Variants in ZNF407 observed in about 807,000 individuals in gnomAD.
ZNF407 encodes zinc finger protein 407.
In ZNF407, 17 loss-of-function variants were observed where a neutral mutation model predicts 131.2. The ratio of observed to expected loss-of-function variants is 0.13; its 90% confidence interval spans 0.09 to 0.19. ZNF407 has a LOEUF of 0.19. Ranked by LOEUF, ZNF407 falls within the 10% of genes least tolerant of loss-of-function variation. ZNF407 has a pLI of 1.00. For missense variants in ZNF407, 2,681 were observed against 2,830.6 expected, an observed-to-expected ratio of 0.95 and a Z score of 1.20; for synonymous variants, 1,156 against 1,062.0, an observed-to-expected ratio of 1.09 and a Z score of -1.72.
At chr18:74,786,323 T>C (rs540999115) in intron 4 of ZNF407, among the ~76,000 whole-genome samples, 5 of 152,222 alleles carry the variant, frequency 3.3e-5, no homozygotes, top group Non-Finnish European at 5.9e-5. Flanking sequence ...CTCTCTGATA[T>C]ATTCTTCATG....
At chr18:74,939,415 C>T (rs1440623021) in intron 8 of ZNF407, among the ~76,000 whole-genome samples, 1 of 152,016 alleles carries the variant, frequency 6.6e-6, no homozygotes, top group South Asian at 2.1e-4. Flanking sequence ...AATTTGAGAT[C>T]AGAAGTGAAA....
At chr18:74,902,211 T>C (rs2554133) in intron 7 of ZNF407, among the ~76,000 whole-genome samples, 149,023 of 152,332 alleles carry the variant, frequency 0.98, 72,987 homozygotes, top group East Asian at 1. Flanking sequence ...CTGGCCTGCG[T>C]GGAGGTTTTG....
intron 1 of ZNF407, among the ~76,000 whole-genome samples, chr18:74,608,174 C>T (rs2011501676): frequency 6.6e-6 from 1 of 152,152 alleles, no homozygotes; most frequent in African/African-American, 2.4e-5. Context: ...CTCATGTATC[C>T]ATAATACAAT....
chr18:74,910,049 C>T (rs142244378), intron 7 of ZNF407, among the ~76,000 whole-genome samples: 137 of 152,198 alleles, frequency 9.0e-4, no homozygotes, highest in African/African-American at 2.6e-3. Context: ...GAAACAACTG[C>T]CGTAGTGTTA....
intron 8 of ZNF407, among the ~76,000 whole-genome samples, chr18:74,954,015 T>C (rs1972247612): frequency 6.6e-6 from 1 of 152,274 alleles, no homozygotes; most frequent in Non-Finnish European, 1.5e-5. Flanking sequence ...CACACACTTT[T>C]ACATACCCAC....
intron 4 of ZNF407, among the ~76,000 whole-genome samples, chr18:74,797,498 A>G (rs948085885): frequency 6.6e-6 from 1 of 152,194 alleles, no homozygotes; most frequent in Non-Finnish European, 1.5e-5. Flanking sequence ...GAATCTGAAA[A>G]TCTTATAATG....
intron 3 of ZNF407, among the ~76,000 whole-genome samples, chr18:74,755,097 T>C (rs1306747325): frequency 6.6e-6 from 1 of 152,216 alleles, no homozygotes; most frequent in African/African-American, 2.4e-5. Context: ...CCTTTACCAT[T>C]ATGTAATGGC....
At chr18:74,995,738 G>A (rs188396656) in intron 8 of ZNF407, among the ~76,000 whole-genome samples, 87 of 152,204 alleles carry the variant, frequency 5.7e-4, no homozygotes, top group Admixed American at 5.1e-3. Flanking sequence ...CAGTTCATTC[G>A]GCTGTGCTCT....
At position 74,631,713 on chromosome 18, in the gene ZNF407, A is replaced by G. The variant is rs555599822; in HGVS notation, c.694A>G (p.Met232Val). 1.3e-5 allele frequency: 21 copies of G among 1,613,992 alleles called. No homozygotes were observed. Among genetic ancestry groups the G allele is most frequent in the Middle Eastern group, 1.6e-4 (1 of 6,062 alleles). The change falls in exon 2 of 9, where the codon ATG becomes GTG. Residue 232 changes from methionine (M) to valine (V), a missense_variant. Coordinates refer to ENST00000299687, the MANE Select transcript of ZNF407 (RefSeq NM_017757.3). Reference protein sequence around the residue: ...HKAESSSALHMHIKQAHGPQK... With the variant: ...HKAESSSALHVHIKQAHGPQK... ...AGCAGAGAGCAGCTCAGCACTACAT[A>G]TGCATATCAAACAAGCACATGGGCC...
At chr18:74,719,827 T>G (rs989193852) in intron 3 of ZNF407, among the ~76,000 whole-genome samples, 1 of 152,236 alleles carries the variant, frequency 6.6e-6, no homozygotes, top group Non-Finnish European at 1.5e-5. Context: ...TTGCTGAGAA[T>G]AGCAGGATTT....
At chr18:74,828,316 G>A (rs1970436389) in intron 4 of ZNF407, among the ~76,000 whole-genome samples, 3 of 152,266 alleles carry the variant, frequency 2.0e-5, no homozygotes, top group African/African-American at 7.2e-5. Context: ...TGCTTCAGTG[G>A]GGCCTCAACA....
At chr18:74,963,152 CTTTT>C (rs36225166) in intron 8 of ZNF407, among the ~76,000 whole-genome samples, 53 of 138,486 alleles carry the variant, frequency 3.8e-4, no homozygotes, top group African/African-American at 1.2e-3. Context: ...ACCTTCATTC[CTTTT>C]TTTTTTTTTT....
chr18:74,694,230 T>C (rs1243347111), intron 3 of ZNF407, among the ~76,000 whole-genome samples: 1 of 152,138 alleles, frequency 6.6e-6, no homozygotes, highest in Non-Finnish European at 1.5e-5. Flanking sequence ...TTTAAGTCTT[T>C]TAGAGCAAGT....
At chr18:74,717,531 T>A (rs775477152) in intron 3 of ZNF407, among the ~76,000 whole-genome samples, 12 of 152,200 alleles carry the variant, frequency 7.9e-5, no homozygotes, top group Non-Finnish European at 1.2e-4. Flanking sequence ...AGATATGAGA[T>A]CAGTTTCTTT....
chr18:74,957,945 T>TTG (rs1399783274), intron 8 of ZNF407, among the ~76,000 whole-genome samples: 1 of 152,168 alleles, frequency 6.6e-6, no homozygotes, highest in Non-Finnish European at 1.5e-5. Flanking sequence ...CTCTGCTTCC[T>TTG]TGTTACCTGG....
chr18:74,788,831 ATATTT>A (rs1969771430), intron 4 of ZNF407, among the ~76,000 whole-genome samples: 2 of 149,586 alleles, frequency 1.3e-5, no homozygotes, highest in Admixed American at 1.3e-4. Flanking sequence ...AATAAAATAA[ATATTT>A]TATTAATAAA....
At chr18:75,035,408 T>C (rs1318438331) in intron 8 of ZNF407, among the ~76,000 whole-genome samples, 1 of 152,232 alleles carries the variant, frequency 6.6e-6, no homozygotes, top group Non-Finnish European at 1.5e-5. Flanking sequence ...CTTCTACCTG[T>C]CATATCAGGA....
At chr18:74,738,909 A>T in intron 3 of ZNF407, among the ~76,000 whole-genome samples, 1 of 152,146 alleles carries the variant, frequency 6.6e-6, no homozygotes, top group Non-Finnish European at 1.5e-5. Flanking sequence ...AAGATATATA[A>T]ACTTTTCTGA....
intron 4 of ZNF407, among the ~76,000 whole-genome samples, chr18:74,852,212 C>T (rs1359890060): frequency 5.3e-5 from 8 of 151,662 alleles, no homozygotes; most frequent in East Asian, 1.9e-4. Flanking sequence ...CGCACGCACG[C>T]GCACGCGCGC....
Sources: allele counts gnomAD v4.1 joint callset (sites outside exome capture counted in the v4.1 genomes callset), GRCh38; gene constraint gnomAD v4.1.1; transcripts MANE v1.5; gene names NCBI Gene and HGNC (gene_info 2026-07-23, HGNC 2026-07-21).